The following RABGAP1L variants were observed in gnomAD, a reference collection of about 807,000 sequenced individuals.
The protein encoded by RABGAP1L is rab GTPase-activating protein 1-like.
Under a neutral mutation model 137.7 loss-of-function variants are expected in RABGAP1L, and 63 were observed. The ratio of observed to expected loss-of-function variants is 0.46; its 90% CI spans 0.37 to 0.56. The LOEUF (loss-of-function observed/expected upper bound fraction) is 0.56, where lower values mean the gene tolerates loss of function less well. Ranked by LOEUF, RABGAP1L falls within the 20% of genes least tolerant of loss-of-function variation. RABGAP1L has a pLI of 0.00. For synonymous variants in RABGAP1L, 431 were observed against 433.7 expected (o/e 0.99, Z 0.08); for missense variants, 1,095 against 1,244.0 (o/e 0.88, Z 1.80).
intron 13 of RABGAP1L, among the ~76,000 whole-genome samples, chr1:174,515,912 C>T (rs546619148): frequency 6.6e-6 from 1 of 152,078 alleles, no homozygotes; most frequent in South Asian, 2.1e-4. Context: ...ATATTTGTAA[C>T]TTAGATCACT....
chr1:174,434,108 TACACACACACACACACACACAC>T (rs35509787), intron 13 of RABGAP1L, among the ~76,000 whole-genome samples: 3 of 134,050 alleles, frequency 2.2e-5, no homozygotes, highest in Admixed American at 7.3e-5. Context: ...CGTGTACACA[TACACACACACACACACACACAC>T]ACACACACAC....
chr1:174,565,667 A>G (rs528240599), intron 13 of RABGAP1L, among the ~76,000 whole-genome samples: 3 of 152,190 alleles, frequency 2.0e-5, no homozygotes, highest in Non-Finnish European at 2.9e-5. Context: ...GTTAAATTTT[A>G]AATACCAAAC....
rs1219521581 is a variant in RABGAP1L, at chr1:174,674,592, G to C, written c.1825-8930G>C. 3.1e-4 allele frequency among the ~76,000 whole-genome samples: 47 copies of C among 151,070 alleles called. 1 individual carries two copies. The highest frequency in any genetic ancestry group is 2.8e-3 in the Admixed American group (43 of 15,118). Reference sequence around the variant, plus strand: ...TAGCAGCATGATTTATAGTCATTTGGGTATATACCCAGTAATGGGATGGCT... The same window carrying C: ...TAGCAGCATGATTTATAGTCATTTGCGTATATACCCAGTAATGGGATGGCT... On this transcript the variant is annotated intron_variant, in intron 14 of 25. Coordinates refer to ENST00000681986, the MANE Select transcript of RABGAP1L (RefSeq NM_001366446.1).
chr1:174,484,125 GT>G (rs1659403655), intron 13 of RABGAP1L, among the ~76,000 whole-genome samples: 1 of 152,116 alleles, frequency 6.6e-6, no homozygotes, highest in Non-Finnish European at 1.5e-5. Context: ...ATATCTCGTA[GT>G]TTTGATTTGC....
intron 11 of RABGAP1L, among the ~76,000 whole-genome samples, chr1:174,368,319 A>G (rs537792050): frequency 2.0e-5 from 3 of 152,374 alleles, no homozygotes; most frequent in Admixed American, 2.0e-4. Flanking sequence ...GAATCCTGTT[A>G]CAAATATGTC....
chr1:174,402,886 T>C (rs1478332576), intron 13 of RABGAP1L, among the ~76,000 whole-genome samples: 1 of 152,128 alleles, frequency 6.6e-6, no homozygotes, highest in East Asian at 1.9e-4. Flanking sequence ...GTGTATGTTT[T>C]AGGGCAAGTC....
intron 13 of RABGAP1L, among the ~76,000 whole-genome samples, chr1:174,478,042 A>G (rs893877987): frequency 1.3e-5 from 2 of 152,116 alleles, no homozygotes; most frequent in Admixed American, 1.3e-4. Flanking sequence ...ATAAGTTTGT[A>G]CTATGTACAT....
At chr1:174,889,172 G>A (rs1023917201) in intron 19 of RABGAP1L, among the ~76,000 whole-genome samples, 1 of 149,304 alleles carries the variant, frequency 6.7e-6, no homozygotes, top group African/African-American at 2.5e-5. Flanking sequence ...CACCCAGGCT[G>A]GAGGGCAGTA....
intron 19 of RABGAP1L, among the ~76,000 whole-genome samples, chr1:174,943,774 A>G (rs961884076): frequency 1.3e-5 from 2 of 151,962 alleles, no homozygotes; most frequent in African/African-American, 2.4e-5. Context: ...TGGAGGTTGC[A>G]GTGAGCCGAG....
intron 13 of RABGAP1L, among the ~76,000 whole-genome samples, chr1:174,579,494 AC>A (rs2148078784): frequency 6.6e-6 from 1 of 152,300 alleles, no homozygotes; most frequent in Admixed American, 6.5e-5. Flanking sequence ...CACTGAACAC[AC>A]GTGCTGTGGA....
chr1:174,769,217 G>A (rs1210001489), intron 18 of RABGAP1L, among the ~76,000 whole-genome samples: 2 of 152,230 alleles, frequency 1.3e-5, no homozygotes, highest in Non-Finnish European at 2.9e-5. Flanking sequence ...GGAAGAAGGG[G>A]TGGAGGTGGC....
intron 23 of RABGAP1L, among the ~76,000 whole-genome samples, chr1:174,981,457 A>AT (rs1366711707): frequency 6.9e-6 from 1 of 144,166 alleles, no homozygotes; most frequent in Non-Finnish European, 1.5e-5. Context: ...ACTGGGTGGG[A>AT]TTTTTTAAAT....
At chr1:174,684,859 G>C (rs1309140707) in intron 15 of RABGAP1L, among the ~76,000 whole-genome samples, 2 of 152,168 alleles carry the variant, frequency 1.3e-5, no homozygotes, top group East Asian at 3.9e-4. Context: ...CACCTGTAGT[G>C]GTGGTGAGCT....
At chr1:174,919,129 C>T (rs932013660) in intron 19 of RABGAP1L, among the ~76,000 whole-genome samples, 4 of 152,062 alleles carry the variant, frequency 2.6e-5, no homozygotes. Context: ...AGTGATTCTC[C>T]CGCCTCAGCC....
intron 19 of RABGAP1L, among the ~76,000 whole-genome samples, chr1:174,911,828 T>C (rs1202397771): frequency 6.6e-6 from 1 of 152,184 alleles, no homozygotes; most frequent in East Asian, 1.9e-4. Flanking sequence ...TCTCAGAGTT[T>C]TGGATATGCT....
intron 13 of RABGAP1L, among the ~76,000 whole-genome samples, chr1:174,540,726 G>A (rs200282542): frequency 3.2e-4 from 49 of 152,248 alleles, no homozygotes; most frequent in African/African-American, 8.9e-4. Context: ...GTCAGGTAGC[G>A]TGATGCCTCC....
chr1:174,695,354 C>T (rs1052271651), intron 15 of RABGAP1L, among the ~76,000 whole-genome samples: 3 of 152,038 alleles, frequency 2.0e-5, no homozygotes, highest in South Asian at 2.1e-4. Flanking sequence ...AGCCTGTCTT[C>T]AAGCTCACTG....
At chr1:174,658,956 A>G (rs1020904659) in intron 14 of RABGAP1L, among the ~76,000 whole-genome samples, 9 of 152,202 alleles carry the variant, frequency 5.9e-5, no homozygotes, top group Non-Finnish European at 1.2e-4. Flanking sequence ...CCTGTAAAGA[A>G]AAACTGATTA....
chr1:174,973,706 T>G (rs1670367168), intron 21 of RABGAP1L, among the ~76,000 whole-genome samples: 1 of 151,930 alleles, frequency 6.6e-6, no homozygotes, highest in Non-Finnish European at 1.5e-5. Context: ...TAAAACATTT[T>G]CATAAAATGT....
Sources: gnomAD v4.1 joint callset for allele counts (sites outside exome capture counted in the v4.1 genomes callset) on GRCh38, gnomAD v4.1.1 for gene constraint, MANE v1.5 for transcripts, NCBI Gene and HGNC (gene_info 2026-07-23, HGNC 2026-07-21) for gene names.